FHOD3: variants seen among roughly 807,000 people sequenced by gnomAD.
FHOD3 encodes the protein formin homology 2 domain containing 3, also known as FH1/FH2 domain-containing protein 3.
Under a neutral mutation model 173.0 loss-of-function variants are expected in FHOD3, and 90 were observed. The ratio of observed to expected loss-of-function variants is 0.52; its 90% confidence interval spans 0.44 to 0.62. The LOEUF (loss-of-function observed/expected upper bound fraction) is 0.62. Ranked by LOEUF, FHOD3 falls within the 20% of genes least tolerant of loss-of-function variation. The probability of loss-of-function intolerance (pLI) is 0.00; values close to 1 mark genes in which losing one functional copy is unlikely to be tolerated. For synonymous variants in FHOD3, 828 were observed against 823.0 expected, an observed-to-expected ratio of 1.01 and a Z score of -0.10; for missense variants, 1,945 against 2,034.7, an observed-to-expected ratio of 0.96 and a Z score of 0.85.
intron 1 of FHOD3, among the ~76,000 whole-genome samples, chr18:36,301,094 A>T (rs997652688): frequency 6.6e-6 from 1 of 152,168 alleles, no homozygotes. Flanking sequence ...TGTACAGGGT[A>T]TAAGTGTGCA....
intron 2 of FHOD3, among the ~76,000 whole-genome samples, chr18:36,360,504 G>T (rs1231712336): frequency 6.6e-6 from 1 of 152,208 alleles, no homozygotes; most frequent in African/African-American, 2.4e-5. Flanking sequence ...GAGGCTGGTG[G>T]CTTAGAAATC....
intron 3 of FHOD3, among the ~76,000 whole-genome samples, chr18:36,428,943 G>A (rs1272643040): frequency 1.3e-5 from 2 of 152,188 alleles, no homozygotes; most frequent in Non-Finnish European, 2.9e-5. Context: ...GGCACGCCAA[G>A]CTTCTGGAGT....
chr18:36,668,335 T>A (rs2037314415), intron 14 of FHOD3, among the ~76,000 whole-genome samples: 1 of 152,028 alleles, frequency 6.6e-6, no homozygotes, highest in African/African-American at 2.4e-5. Flanking sequence ...CCCTTATTAT[T>A]TTTTTTAGTA....
intron 15 of FHOD3, among the ~76,000 whole-genome samples, chr18:36,685,959 A>C (rs762214223): frequency 6.6e-6 from 1 of 152,198 alleles, no homozygotes; most frequent in Non-Finnish European, 1.5e-5. Context: ...ACAAAGCAGG[A>C]GCTTCAGTGA....
At position 36,658,067 on chromosome 18, in the gene FHOD3, C is replaced by T. The variant is rs1393665681; in HGVS notation, c.1722-8C>T. 1.3e-6 allele frequency: 2 copies of T among 1,599,312 alleles called. No homozygotes were observed. Among genetic ancestry groups the T allele is most frequent in the Admixed American group, 3.4e-5 (2 of 58,640 alleles). On this transcript the variant is annotated splice_polypyrimidine_tract_variant and splice_region_variant and intron_variant, in intron 13 of 28. Transcript: ENST00000590592. ...TTTCCCCCCAACTTAAACCTCTGCA[C>T]TTCTTAGATACAGCAATTTTGGCAA... is the stretch of plus-strand genomic sequence containing the variant.
At chr18:36,553,441 T>A (rs1051180058) in intron 5 of FHOD3, among the ~76,000 whole-genome samples, 13 of 152,194 alleles carry the variant, frequency 8.5e-5, no homozygotes, top group African/African-American at 1.4e-4. Context: ...TGTGAATCCA[T>A]CTGGTCATGG....
At chr18:36,761,860 A>G (rs541369800) in intron 27 of FHOD3, among the ~76,000 whole-genome samples, 1 of 152,208 alleles carries the variant, frequency 6.6e-6, no homozygotes, top group East Asian at 1.9e-4. Context: ...GATGCTTTGG[A>G]GTGTGAAAGG....
intron 1 of FHOD3, among the ~76,000 whole-genome samples, chr18:36,307,073 C>T (rs938620128): frequency 2.0e-5 from 3 of 152,192 alleles, no homozygotes; most frequent in Non-Finnish European, 4.4e-5. Flanking sequence ...AAGCAATTCC[C>T]CTGCCTCAGC....
chr18:36,576,403 A>T (rs913147694), intron 5 of FHOD3, 48 bp from the exon 6 acceptor site: 1 of 1,361,674 alleles, frequency 7.3e-7, no homozygotes. Flanking sequence ...TGAAGATTAT[A>T]TTTCTATATA....
intron 5 of FHOD3, among the ~76,000 whole-genome samples, chr18:36,560,898 G>A (rs12605016): frequency 0.17 from 24,587 of 146,722 alleles, 2,190 homozygotes; most frequent in Admixed American, 0.25. Context: ...GTATAAAGCA[G>A]TGTTTGTCAA....
In FHOD3 at chr18:36,639,444, G is replaced by A. The variant is rs113685567; in HGVS notation, c.1197-9872G>A. On this transcript the variant is annotated intron_variant, in intron 10 of 28. Transcript: ENST00000590592. ...TCCCAGCAATTTGGGAGGCCAAGGCGGGCGGATCACGAGGTCAGGAGATCA... is the reference window on the plus strand; with the variant it reads ...TCCCAGCAATTTGGGAGGCCAAGGCAGGCGGATCACGAGGTCAGGAGATCA... Among the ~76,000 whole-genome samples, 28 of 152,204 alleles carry A rather than the reference G, an allele frequency of 1.8e-4. No homozygotes were observed. In the East Asian group the frequency reaches 4.7e-3, roughly 25 times the overall value.
At chr18:36,322,904 G>C (rs2044473731) in intron 1 of FHOD3, among the ~76,000 whole-genome samples, 1 of 152,170 alleles carries the variant, frequency 6.6e-6, no homozygotes, top group Non-Finnish European at 1.5e-5. Flanking sequence ...TGAGTGCCAG[G>C]AGTGGCTGCT....
In FHOD3 at chr18:36,462,288, C is replaced by CGTGT. The variant is rs148480762; in HGVS notation, c.338-39627_338-39624dup. Among the ~76,000 whole-genome samples the CGTGT allele has an allele frequency of 3.1e-4, 47 of 149,730 alleles. No individual in the cohort carries two copies. In the East Asian group the frequency reaches 3.9e-3, roughly 13 times the overall value. ...TCCAGCTACCTTCCTTCAGTTCTCT[C>CGTGT]GTGTGTGTGTGTGTGTGTGTTTGTT... On this transcript the variant is annotated intron_variant, in intron 3 of 28. Coordinates refer to ENST00000590592, the MANE Select transcript of FHOD3 (RefSeq NM_001281740.3).
intron 5 of FHOD3, among the ~76,000 whole-genome samples, chr18:36,554,556 C>T (rs2057794949): frequency 6.6e-6 from 1 of 152,030 alleles, no homozygotes; most frequent in Non-Finnish European, 1.5e-5. Flanking sequence ...ATGGGTGCAG[C>T]ACACCACCAT....
At chr18:36,735,276 C>T (rs2041572265) in intron 20 of FHOD3, among the ~76,000 whole-genome samples, 1 of 152,158 alleles carries the variant, frequency 6.6e-6, no homozygotes, top group Non-Finnish European at 1.5e-5. Flanking sequence ...CTGTACAGTT[C>T]CTGTCCACAG....
At chr18:36,683,455 A>G (rs491425) in intron 15 of FHOD3, among the ~76,000 whole-genome samples, 102,089 of 151,740 alleles carry the variant, frequency 0.67, 34,479 homozygotes, top group African/African-American at 0.7. Flanking sequence ...AGAATGTGTG[A>G]AACTCTGAAA....
At chr18:36,658,705 C>G (rs1416664723) in intron 14 of FHOD3, among the ~76,000 whole-genome samples, 4 of 152,158 alleles carry the variant, frequency 2.6e-5, no homozygotes, top group Non-Finnish European at 4.4e-5. Flanking sequence ...TTATGACTCC[C>G]AGAAGCAAAT....
At chr18:36,549,353 G>A (rs2057542637) in intron 5 of FHOD3, among the ~76,000 whole-genome samples, 1 of 151,828 alleles carries the variant, frequency 6.6e-6, no homozygotes, top group Non-Finnish European at 1.5e-5. Flanking sequence ...CTAGATATAA[G>A]CCTTTTATCA....
intron 27 of FHOD3, among the ~76,000 whole-genome samples, chr18:36,767,485 A>G (rs1024224875): frequency 2.0e-5 from 3 of 152,064 alleles, no homozygotes; most frequent in Non-Finnish European, 4.4e-5. Context: ...ATGCTTGACT[A>G]ATTTTTGTAT....
Sources: gnomAD v4.1 joint callset for allele counts (sites outside exome capture counted in the v4.1 genomes callset) on GRCh38, gnomAD v4.1.1 for gene constraint, MANE v1.5 for transcripts, NCBI Gene and HGNC (gene_info 2026-07-23, HGNC 2026-07-21) for gene names.